Variants in PTPN3 observed in about 807,000 individuals in gnomAD.
PTPN3 encodes tyrosine-protein phosphatase non-receptor type 3.
A neutral mutation model predicts 132.7 loss-of-function variants in PTPN3; 96 were observed. The observed-to-expected ratio is 0.72, with a 90% CI of 0.61 to 0.86. The LOEUF is 0.86. PTPN3 is among the 40% of genes least tolerant of loss of function. The pLI, the probability that PTPN3 is intolerant of heterozygous loss-of-function variation, is 0.00. For synonymous variants in PTPN3, 398 were observed against 429.0 expected, an observed-to-expected ratio of 0.93 and a Z score of 0.89; for missense variants, 1,125 against 1,159.6, an observed-to-expected ratio of 0.97 and a Z score of 0.43.
At chr9:109,490,774 G>C (rs1847425400) in intron 1 of PTPN3, among the ~76,000 whole-genome samples, 1 of 151,814 alleles carries the variant, frequency 6.6e-6, no homozygotes, top group African/African-American at 2.4e-5. Context: ...AGGTCCTGAA[G>C]GACCAAGAAC....
At chr9:109,512,268 G>C in the PTPN3 span, among the ~76,000 whole-genome samples, 264 of 152,186 alleles carry the variant, frequency 1.7e-3, no homozygotes, top group Non-Finnish European at 2.3e-3. Context: ...ACCTCTGGAG[G>C]GGGAGACTCA....
rs893215971 is a variant in PTPN3 at position 109,406,713 on chromosome 9, A to G, written c.1636-95T>C. 11 of 1,511,892 alleles carry G rather than the reference A, an allele frequency of 7.3e-6. No homozygotes were observed. In the Admixed American group the frequency reaches 2.0e-4, roughly 27 times the overall value. 93.7% of individuals were successfully genotyped at this position (1,511,892 alleles called of 1,614,324 possible). On this transcript the variant is annotated intron_variant, in intron 17 of 25. Transcript: ENST00000374541. Reference sequence around the variant, plus strand: ...GCTCTGCTCCCAGACACCTGGGACCATGATCAAGTTTGCCTTCTCTCCCTC... The same window carrying G: ...GCTCTGCTCCCAGACACCTGGGACCGTGATCAAGTTTGCCTTCTCTCCCTC...
the PTPN3 span, among the ~76,000 whole-genome samples, chr9:109,527,608 T>C: frequency 6.6e-6 from 1 of 152,222 alleles, no homozygotes; most frequent in Non-Finnish European, 1.5e-5. Context: ...TCAGAATAGC[T>C]AGAAGAATTG....
At chr9:109,500,226 A>T (rs910400717), upstream of PTPN3, among the ~76,000 whole-genome samples, 1 of 152,252 alleles carries the variant, frequency 6.6e-6, no homozygotes, top group Non-Finnish European at 1.5e-5. Context: ...CGTCATCCTC[A>T]TGCCAGTTTG....
the PTPN3 span, among the ~76,000 whole-genome samples, chr9:109,512,661 A>G: frequency 6.6e-6 from 1 of 152,240 alleles, no homozygotes; most frequent in African/African-American, 2.4e-5. Context: ...AATCATAAGT[A>G]TGACATAAAG....
At chr9:109,478,424 C>G (rs969939494) in intron 1 of PTPN3, among the ~76,000 whole-genome samples, 6 of 152,146 alleles carry the variant, frequency 3.9e-5, no homozygotes, top group Non-Finnish European at 7.3e-5. Flanking sequence ...ATAACTGTGG[C>G]TGGGTGTTCA....
intron 1 of PTPN3, among the ~76,000 whole-genome samples, chr9:109,476,336 GTA>G (rs928189636): frequency 3.0e-4 from 45 of 151,018 alleles, no homozygotes; most frequent in Admixed American, 2.7e-3. Flanking sequence ...TGAATGAAAT[GTA>G]TATGTTTATC....
chr9:109,496,593 C>G (rs1161724811), intron 1 of PTPN3, among the ~76,000 whole-genome samples: 1 of 152,198 alleles, frequency 6.6e-6, no homozygotes, highest in Non-Finnish European at 1.5e-5. Context: ...GGTGAATGTA[C>G]TCTGTAAGTT....
chr9:109,390,703 A>G (rs1185096493), intron 21 of PTPN3, among the ~76,000 whole-genome samples: 2 of 152,206 alleles, frequency 1.3e-5, no homozygotes, highest in South Asian at 4.1e-4. Context: ...TTCCCATAAC[A>G]TGTGAAACAT....
At chr9:109,421,174 G>A (rs184922381) in intron 13 of PTPN3, among the ~76,000 whole-genome samples, 1 of 152,310 alleles carries the variant, frequency 6.6e-6, no homozygotes, top group African/African-American at 2.4e-5. Context: ...TCCAACAGTG[G>A]CAGTAGGCAT....
chr9:109,416,330 T>C (rs577536919), intron 14 of PTPN3, among the ~76,000 whole-genome samples: 113 of 152,258 alleles, frequency 7.4e-4, no homozygotes, highest in African/African-American at 2.6e-3. Context: ...TAGGGGACTC[T>C]CCATTGCTCG....
intron 10 of PTPN3, among the ~76,000 whole-genome samples, chr9:109,430,321 C>A (rs538498582): frequency 6.6e-6 from 1 of 152,230 alleles, no homozygotes. Flanking sequence ...CCTCTTACTC[C>A]CCCCACCCCT....
intron 2 of PTPN3, among the ~76,000 whole-genome samples, chr9:109,460,485 C>T (rs1417614720): frequency 1.3e-5 from 2 of 152,116 alleles, no homozygotes; most frequent in African/African-American, 4.8e-5. Flanking sequence ...ATGCGATCCC[C>T]CACCCCTTAC....
intron 13 of PTPN3, among the ~76,000 whole-genome samples, chr9:109,422,259 T>A (rs192030087): frequency 3.9e-5 from 6 of 152,344 alleles, no homozygotes; most frequent in Admixed American, 3.9e-4. Context: ...GGCCTGCTAC[T>A]TACTGATGTG....
the PTPN3 span, among the ~76,000 whole-genome samples, chr9:109,503,495 A>T: frequency 6.6e-6 from 1 of 152,200 alleles, no homozygotes. Flanking sequence ...ACCTGAGGTC[A>T]GGAGTTTGAG....
At chr9:109,397,535 G>A (rs1236887719) in intron 19 of PTPN3, 1 of 152,188 alleles carries the variant, frequency 6.6e-6, no homozygotes, top group African/African-American at 2.4e-5. Flanking sequence ...CACTACTCAC[G>A]GGTAGCTCAC....
chr9:109,455,638 T>G (rs1043371774), intron 4 of PTPN3, among the ~76,000 whole-genome samples: 2 of 152,260 alleles, frequency 1.3e-5, no homozygotes, highest in African/African-American at 4.8e-5. Context: ...AACAATGTCC[T>G]CCTGCTGCCT....
chr9:109,487,408 C>T, intron 1 of PTPN3, among the ~76,000 whole-genome samples: 1 of 152,312 alleles, frequency 6.6e-6, no homozygotes, highest in African/African-American at 2.4e-5. Context: ...CAGCGGACCT[C>T]AAAGGACAGT....
chr9:109,439,588 G>A (rs1351011164), intron 7 of PTPN3, among the ~76,000 whole-genome samples: 2 of 152,216 alleles, frequency 1.3e-5, no homozygotes, highest in Admixed American at 1.3e-4. Flanking sequence ...ACAGGTAGCT[G>A]CTTGGGTGAA....
Sources: allele counts gnomAD v4.1 joint callset (sites outside exome capture counted in the v4.1 genomes callset), GRCh38; gene constraint gnomAD v4.1.1; transcripts MANE v1.5; gene names NCBI Gene and HGNC (gene_info 2026-07-23, HGNC 2026-07-21).